GPC4: variants seen among roughly 807,000 people sequenced by gnomAD.
The protein encoded by GPC4 is glypican 4.
GPC4 carries 10 observed loss-of-function variants against 35.0 expected under a neutral mutation model. The observed-to-expected ratio is 0.29, with a 90% CI of 0.18 to 0.48. The LOEUF is 0.48. Ranked by LOEUF, GPC4 falls within the 20% of genes least tolerant of loss-of-function variation. The pLI, the probability that GPC4 is intolerant of heterozygous loss-of-function variation, is 0.99. For missense variants in GPC4, 322 were observed against 451.3 expected (o/e 0.71, Z 2.60); for synonymous variants, 167 against 170.2 (o/e 0.98, Z 0.15).
At chrX:133,349,754 G>A (rs1353558158) in intron 1 of GPC4, among the ~76,000 whole-genome samples, 1 of 111,157 alleles carries the variant, frequency 9.0e-6, no homozygotes, top group Non-Finnish European at 1.9e-5. Flanking sequence ...TCGAGTAGCT[G>A]GGACTACAGG....
At chrX:133,341,000 A>AG (rs958456450) in intron 1 of GPC4, among the ~76,000 whole-genome samples, 6 of 109,283 alleles carry the variant, frequency 5.5e-5, no homozygotes, top group African/African-American at 2.1e-4. Context: ...CAGAAAAAAA[A>AG]GGGAAAAAAA....
At chrX:133,354,857 C>T (rs1164821338) in intron 1 of GPC4, among the ~76,000 whole-genome samples, 2 of 111,567 alleles carry the variant, frequency 1.8e-5, no homozygotes, top group Admixed American at 1.9e-4. Flanking sequence ...CGTGAGCCAC[C>T]GCGCCCGGCC....
intron 1 of GPC4, among the ~76,000 whole-genome samples, chrX:133,379,667 T>C (rs915344932): frequency 4.5e-5 from 5 of 111,593 alleles, no homozygotes; most frequent in African/African-American, 1.6e-4. Context: ...CTTAGAGAAG[T>C]CTTAGTTCCA....
chrX:133,323,477 T>A (rs1407607089), intron 3 of GPC4, among the ~76,000 whole-genome samples: 1 of 111,443 alleles, frequency 9.0e-6, no homozygotes, highest in African/African-American at 3.3e-5. Context: ...CAAGACCCTG[T>A]CCCCACCTCC....
chrX:133,411,109 AC>A (rs2068811104), intron 1 of GPC4, among the ~76,000 whole-genome samples: 2 of 112,415 alleles, frequency 1.8e-5, no homozygotes, highest in Admixed American at 9.4e-5. Flanking sequence ...CTTTTTTTCC[AC>A]GTAGTCATAA....
chrX:133,394,249 G>A (rs943135749), intron 1 of GPC4, among the ~76,000 whole-genome samples: 1 of 109,684 alleles, frequency 9.1e-6, no homozygotes, highest in African/African-American at 3.3e-5. Flanking sequence ...CAGCCTGGGT[G>A]ACAGAGCAAG....
At chrX:133,413,110 T>G (rs1271263422) in intron 1 of GPC4, among the ~76,000 whole-genome samples, 1 of 112,338 alleles carries the variant, frequency 8.9e-6, no homozygotes, top group Non-Finnish European at 1.9e-5. Flanking sequence ...TCCCCAAGCT[T>G]CAGCGGCTGG....
At chrX:133,380,963 C>A (rs958012802) in intron 1 of GPC4, among the ~76,000 whole-genome samples, 1 of 112,079 alleles carries the variant, frequency 8.9e-6, no homozygotes, top group Non-Finnish European at 1.9e-5. Context: ...TCAGCCCTGG[C>A]GGATGCCTCA....
At chrX:133,386,045 A>C (rs112330978) in intron 1 of GPC4, among the ~76,000 whole-genome samples, 1,193 of 108,853 alleles carry the variant, frequency 0.011, 21 homozygotes, top group African/African-American at 0.037. Flanking sequence ...AATAAAAATA[A>C]ATAAAATAAA....
At chrX:133,399,042 T>C (rs920999850) in intron 1 of GPC4, among the ~76,000 whole-genome samples, 2 of 111,328 alleles carry the variant, frequency 1.8e-5, no homozygotes, top group African/African-American at 6.5e-5. Context: ...TCGGTCACCA[T>C]TGATAAAGGC....
chrX:133,384,655 A>G (rs922328340), intron 1 of GPC4, among the ~76,000 whole-genome samples: 5 of 111,455 alleles, frequency 4.5e-5, no homozygotes, highest in African/African-American at 1.6e-4. Flanking sequence ...GAAAGGTCCC[A>G]GGTCGGGCAT....
At chrX:133,375,325 A>ATT (rs2068628720) in intron 1 of GPC4, among the ~76,000 whole-genome samples, 1 of 111,906 alleles carries the variant, frequency 8.9e-6, no homozygotes, top group African/African-American at 3.2e-5. Context: ...TGGTAAAAAG[A>ATT]TGTATAAAGG....
intron 1 of GPC4, among the ~76,000 whole-genome samples, chrX:133,407,177 G>T (rs2068792714): frequency 9.0e-6 from 1 of 111,095 alleles, no homozygotes; most frequent in Non-Finnish European, 1.9e-5. Context: ...TCATTGGTAT[G>T]GGGTGGTACC....
chrX:133,343,118 CT>C (rs2068474134), intron 1 of GPC4, among the ~76,000 whole-genome samples: 1 of 111,737 alleles, frequency 8.9e-6, no homozygotes, highest in Non-Finnish European at 1.9e-5. Context: ...GACACTTGCA[CT>C]TTTTAACAAG....
intron 2 of GPC4, among the ~76,000 whole-genome samples, chrX:133,326,220 A>G (rs1397086368): frequency 9.0e-6 from 1 of 111,294 alleles, no homozygotes; most frequent in Non-Finnish European, 1.9e-5. Flanking sequence ...TCTCTCCCTG[A>G]AAGTGAGAGG....
chrX:133,331,150 T>C (rs1312534857), intron 2 of GPC4, among the ~76,000 whole-genome samples: 1 of 111,700 alleles, frequency 9.0e-6, no homozygotes, highest in African/African-American at 3.3e-5. Flanking sequence ...AGGGAATAAA[T>C]ACAATGTTTA....
chrX:133,360,507 C>T (rs938346836), intron 1 of GPC4, among the ~76,000 whole-genome samples: 3 of 109,077 alleles, frequency 2.8e-5, no homozygotes, highest in African/African-American at 1.0e-4. Flanking sequence ...GGATGACCCA[C>T]TAAGCAAGGG....
At position 133,342,683 on chromosome X, in the gene GPC4, CACA is replaced by C. The variant is rs1220422437; in HGVS notation, c.161-3345_161-3343del. On this transcript the variant is annotated intron_variant, in intron 1 of 8. Coordinates refer to ENST00000370828, the MANE Select transcript of GPC4 (RefSeq NM_001448.3). ...TCTTGGGCTACTGGGGATTCGGTGC[CACA>C]ACTAGTTAGTGCTAATGAGAAGCAC... 3.6e-5 allele frequency among the ~76,000 whole-genome samples: 4 copies of C among 111,492 alleles called. No individual in the cohort carries two copies. The Admixed American group carries it at 3.8e-4, about 11-fold the overall frequency.
chrX:133,367,331 T>C lies in GPC4; in HGVS notation c.161-27990A>G, dbSNP rs773297339. ...GCCTCTTTGTAAAGTGCTCTTGCGA[T>C]GTATATGTAACCTGCTTAGCCAGGA... On this transcript the variant is annotated intron_variant, in intron 1 of 8. Transcript: ENST00000370828. 2.8e-4 allele frequency among the ~76,000 whole-genome samples: 32 copies of C among 112,296 alleles called. No individual in the cohort carries two copies. In the East Asian group the frequency reaches 6.1e-3, roughly 22 times the overall value.
Sources: gnomAD v4.1 joint callset for allele counts (sites outside exome capture counted in the v4.1 genomes callset) on GRCh38, gnomAD v4.1.1 for gene constraint, MANE v1.5 for transcripts, NCBI Gene and HGNC (gene_info 2026-07-23, HGNC 2026-07-21) for gene names.